The following CAMTA1 variants were observed in gnomAD, a reference collection of about 807,000 sequenced individuals.
The protein encoded by CAMTA1 is calmodulin binding transcription activator 1.
Under a neutral mutation model 170.9 loss-of-function variants are expected in CAMTA1, and 27 were observed. The ratio of observed to expected loss-of-function variants is 0.16; its 90% CI spans 0.12 to 0.22. CAMTA1 has a LOEUF of 0.22. Ranked by LOEUF, CAMTA1 falls within the 10% of genes least tolerant of loss-of-function variation. The pLI is 1.00. For missense variants in CAMTA1, 1,619 were observed against 2,217.2 expected (o/e 0.73, Z 5.42); for synonymous variants, 833 against 891.5 (o/e 0.93, Z 1.17).
At position 7,112,506 on chromosome 1, in the gene CAMTA1, C is replaced by T. The variant is rs1022619638; in HGVS notation, c.302+21135C>T. On this transcript the variant is annotated intron_variant, in intron 4 of 22. Transcript: ENST00000303635. ...GTTCCATGGCTGACCATGGCCGAGC[C>T]GAACACCAGCCCCAGATCTGACTCC... Among the ~76,000 whole-genome samples the T allele has an allele frequency of 1.4e-4, 22 of 152,218 alleles. 1 individual carries two copies. The highest frequency in any genetic ancestry group is 2.8e-4 in the Non-Finnish European group (19 of 67,998).
At chr1:7,168,724 CTGCACAG>C (rs1272159498) in intron 4 of CAMTA1, among the ~76,000 whole-genome samples, 33 of 152,328 alleles carry the variant, frequency 2.2e-4, no homozygotes, top group African/African-American at 7.2e-4. Flanking sequence ...AAGTTCTGAT[CTGCACAG>C]TAATGCAAGA....
At chr1:7,705,767 G>A (rs1375477789) in intron 11 of CAMTA1, among the ~76,000 whole-genome samples, 2 of 152,182 alleles carry the variant, frequency 1.3e-5, no homozygotes, top group Non-Finnish European at 2.9e-5. Flanking sequence ...TACAGACCAG[G>A]GGAGCGGAGG....
chr1:6,990,698 C>A (rs532568716), intron 3 of CAMTA1, among the ~76,000 whole-genome samples: 3 of 152,056 alleles, frequency 2.0e-5, no homozygotes, highest in Admixed American at 2.0e-4. Context: ...CCCCAGGCAA[C>A]CAATGTTTTG....
At chr1:7,175,454 A>G (rs1188797506) in intron 4 of CAMTA1, among the ~76,000 whole-genome samples, 2 of 152,262 alleles carry the variant, frequency 1.3e-5, no homozygotes, top group Non-Finnish European at 2.9e-5. Context: ...GCATGATAAC[A>G]CAATTCCATT....
At chr1:7,148,070 C>G (rs1287953264) in intron 4 of CAMTA1, among the ~76,000 whole-genome samples, 2 of 151,500 alleles carry the variant, frequency 1.3e-5, no homozygotes, top group Non-Finnish European at 1.5e-5. Flanking sequence ...CACAAACACA[C>G]ACTCATACAC....
At chr1:6,801,897 C>T (rs1289833072) in intron 1 of CAMTA1, among the ~76,000 whole-genome samples, 1 of 151,230 alleles carries the variant, frequency 6.6e-6, no homozygotes, top group African/African-American at 2.4e-5. Flanking sequence ...TTAATATTTG[C>T]AATATTTATA....
rs910973567 is a variant in CAMTA1, at chr1:6,971,601, A to G, written c.235-119703A>G. On this transcript the variant is annotated intron_variant, in intron 3 of 22. Transcript: ENST00000303635. This position sits in a 1 kb window ranked among gnomAD's most constrained non-coding sequence, Gnocchi z 4.6. ...AACTAGATCCACAGGCAGGCCTTTT[A>G]TTAAAAGGCATTTAATGACTCTGAA... is the stretch of plus-strand genomic sequence containing the variant. Among the ~76,000 whole-genome samples, 6 of 152,064 alleles carry G rather than the reference A, an allele frequency of 3.9e-5. No homozygotes were observed. The highest frequency in any genetic ancestry group is 4.4e-5 in the Non-Finnish European group (3 of 68,006).
chr1:7,564,755 G>C (rs1276110040), intron 6 of CAMTA1, among the ~76,000 whole-genome samples: 6 of 152,056 alleles, frequency 3.9e-5, no homozygotes, highest in African/African-American at 1.4e-4. Context: ...GGAGTAGAGG[G>C]GTCCTGGGAG....
chr1:7,479,985 A>C (rs1234504559), intron 6 of CAMTA1, among the ~76,000 whole-genome samples: 3 of 149,752 alleles, frequency 2.0e-5, no homozygotes, highest in Non-Finnish European at 3.0e-5. Flanking sequence ...ATATATGTGA[A>C]TGTATGTGCA....
In CAMTA1 at chr1:7,649,821, C is replaced by T. The variant is rs372664412; in HGVS notation, c.664+9268C>T. On this transcript the variant is annotated intron_variant, in intron 7 of 22. Coordinates refer to ENST00000303635, the MANE Select transcript of CAMTA1 (RefSeq NM_015215.4). ...TGGTGTTGGGGATACAGGACCCCAC[C>T]GACGTCCTGGGCCCTGACTGCTATG... 1.5e-4 allele frequency among the ~76,000 whole-genome samples: 23 copies of T among 152,320 alleles called. No individual in the cohort carries two copies. In the East Asian group the frequency reaches 2.1e-3, roughly 14 times the overall value.
At chr1:6,805,523 TGA>T (rs1287290095) in intron 1 of CAMTA1, among the ~76,000 whole-genome samples, 1 of 152,214 alleles carries the variant, frequency 6.6e-6, no homozygotes, top group Non-Finnish European at 1.5e-5. Context: ...TTTTGTTTTT[TGA>T]GAGAGGGTCT....
intron 5 of CAMTA1, among the ~76,000 whole-genome samples, chr1:7,398,181 CTCTCTCTCTCTCTATATAT>C (rs2089516479): frequency 2.2e-5 from 1 of 45,556 alleles, no homozygotes; most frequent in African/African-American, 8.4e-5. Context: ...CTCTCTCTCT[CTCTCTCTCTCTCTATATAT>C]ATATATATAT....
At chr1:7,498,383 AT>A (rs2093876793) in intron 6 of CAMTA1, among the ~76,000 whole-genome samples, 4 of 146,330 alleles carry the variant, frequency 2.7e-5, no homozygotes, top group Non-Finnish European at 3.0e-5. Flanking sequence ...GTATGAGTGG[AT>A]GTGTGTGAGT....
At chr1:7,132,485 G>C (rs1645321112) in intron 4 of CAMTA1, among the ~76,000 whole-genome samples, 1 of 152,180 alleles carries the variant, frequency 6.6e-6, no homozygotes, top group South Asian at 2.1e-4. Context: ...ATGTTTCCCA[G>C]GATGGGGGAA....
chr1:6,835,623 A>G (rs898441990), intron 3 of CAMTA1, among the ~76,000 whole-genome samples: 1 of 152,148 alleles, frequency 6.6e-6, no homozygotes, highest in Non-Finnish European at 1.5e-5. Flanking sequence ...GTGAAAGCTC[A>G]CTTAGAGGAA....
chr1:7,514,938 T>C (rs775742603), intron 6 of CAMTA1, among the ~76,000 whole-genome samples: 5 of 152,182 alleles, frequency 3.3e-5, no homozygotes, highest in African/African-American at 1.2e-4. Context: ...CTGTTCCTCC[T>C]ACTCCCCTTT....
chr1:6,853,624 T>G (rs891462154), intron 3 of CAMTA1, among the ~76,000 whole-genome samples: 1 of 152,084 alleles, frequency 6.6e-6, no homozygotes. Context: ...CCAAAATTTC[T>G]AATTAAAAAG....
chr1:7,503,488 A>T (rs556058374), intron 6 of CAMTA1, among the ~76,000 whole-genome samples: 338 of 152,238 alleles, frequency 2.2e-3, no homozygotes, highest in African/African-American at 7.9e-3. Flanking sequence ...CTGGCTGGCC[A>T]CCTTCGCCGA....
chr1:7,299,031 GAGTTTGCATCTTGCCTCT>G lies in CAMTA1; in HGVS notation c.438+49406_438+49423del, dbSNP rs1674388424. ...CCAAGATGATGAAGTCAGATGTCCT[GAGTTTGCATCTTGCCTCT>G]CCACTGACTTGCTGTGTGACCTTAA... On this transcript the variant is annotated intron_variant, in intron 5 of 22. Transcript: ENST00000303635. The surrounding 1 kb of genome is among the most constrained non-coding windows in gnomAD (Gnocchi z 4.7). 6.6e-6 allele frequency among the ~76,000 whole-genome samples: 1 copy of G among 152,186 alleles called. No homozygotes were observed. Among genetic ancestry groups the G allele is most frequent in the African/African-American group, 2.4e-5 (1 of 41,454 alleles).
Sources: gnomAD v4.1 joint callset for allele counts (sites outside exome capture counted in the v4.1 genomes callset) on GRCh38, gnomAD v4.1.1 for gene constraint, Gnocchi (gnomAD v3.1) non-coding constraint, MANE v1.5 for transcripts, NCBI Gene and HGNC (gene_info 2026-07-23, HGNC 2026-07-21) for gene names.